The following CNDP1 variants were observed in gnomAD, a reference collection of about 807,000 sequenced individuals.
CNDP1 encodes the protein carnosine dipeptidase 1, also known as beta-Ala-His dipeptidase.
A neutral mutation model predicts 58.1 loss-of-function variants in CNDP1; 44 were observed. That is an observed-to-expected ratio of 0.76 (90% CI 0.60 to 0.97). The LOEUF (loss-of-function observed/expected upper bound fraction) is 0.97. Ranked by LOEUF, CNDP1 falls within the 50% of genes least tolerant of loss-of-function variation. CNDP1 has a pLI of 0.00. For missense variants in CNDP1, 616 were observed against 655.1 expected (o/e 0.94, Z 0.65); for synonymous variants, 254 against 252.6 (o/e 1.01, Z -0.05).
At chr18:74,565,419 T>C (rs1981302139) in intron 5 of CNDP1, among the ~76,000 whole-genome samples, 1 of 152,150 alleles carries the variant, frequency 6.6e-6, no homozygotes, top group Non-Finnish European at 1.5e-5. Context: ...ACAAGGCAAG[T>C]CCCTTCCACC....
chr18:74,543,950 G>A (rs1345245346), intron 1 of CNDP1, among the ~76,000 whole-genome samples: 1 of 151,976 alleles, frequency 6.6e-6, no homozygotes, highest in Non-Finnish European at 1.5e-5. Flanking sequence ...TCCACGTATG[G>A]TGGCTTGTAC....
intron 10 of CNDP1, among the ~76,000 whole-genome samples, chr18:74,582,182 C>G (rs1981806055): frequency 1.3e-5 from 2 of 152,190 alleles, no homozygotes; most frequent in Non-Finnish European, 2.9e-5. Flanking sequence ...TCTGAAATAG[C>G]CTTTCAGGAA....
chr18:74,547,425 G>T (rs1194646968), intron 1 of CNDP1, among the ~76,000 whole-genome samples: 1 of 152,226 alleles, frequency 6.6e-6, no homozygotes, highest in African/African-American at 2.4e-5. Context: ...GGAGGCAAGA[G>T]TGCTTTCTTT....
At chr18:74,544,318 C>T (rs1484242619) in intron 1 of CNDP1, among the ~76,000 whole-genome samples, 2 of 152,076 alleles carry the variant, frequency 1.3e-5, no homozygotes, top group Non-Finnish European at 2.9e-5. Context: ...TACATAGGCT[C>T]TTGGGGCTAT....
intron 1 of CNDP1, among the ~76,000 whole-genome samples, chr18:74,548,069 A>C (rs947230138): frequency 1.3e-5 from 2 of 152,096 alleles, no homozygotes; most frequent in Non-Finnish European, 2.9e-5. Flanking sequence ...GCGCATCCCT[A>C]ACCCCAGCCC....
intron 5 of CNDP1, among the ~76,000 whole-genome samples, chr18:74,563,719 A>G (rs1383803765): frequency 6.6e-6 from 1 of 152,062 alleles, no homozygotes; most frequent in East Asian, 1.9e-4. Flanking sequence ...CAGAGCTCTT[A>G]GGACACATTC....
chr18:74,551,875 A>G (rs1038205876), intron 1 of CNDP1, among the ~76,000 whole-genome samples: 13 of 151,548 alleles, frequency 8.6e-5, no homozygotes, highest in Non-Finnish European at 1.8e-4. Context: ...AAAAGCTCAA[A>G]TGTTAATGTA....
intron 2 of CNDP1, among the ~76,000 whole-genome samples, chr18:74,558,430 T>G (rs995293217): frequency 7.0e-6 from 1 of 143,508 alleles, no homozygotes; most frequent in African/African-American, 2.6e-5. Flanking sequence ...AGTCTTGCTC[T>G]GTCACCCAGA....
chr18:74,576,786 A>T, intron 7 of CNDP1, 83 bp from the exon 8 acceptor site: 1 of 1,312,498 alleles, frequency 7.6e-7, no homozygotes, highest in Non-Finnish European at 1.0e-6. Context: ...AACCCTGAAG[A>T]GTCCTCCCAC....
In CNDP1 at chr18:74,567,524, A is replaced by C. The variant is rs1981362455; in HGVS notation, c.756+91A>C. On this transcript the variant is annotated intron_variant, in intron 6 of 11. Transcript: ENST00000358821. Reference sequence around the variant, plus strand: ...TCTGGGATCTTGGAGAGGAAGAAAGAAAGCTTTCCTGAGGGCAGAGGCCTT... The same window carrying C: ...TCTGGGATCTTGGAGAGGAAGAAAGCAAGCTTTCCTGAGGGCAGAGGCCTT... The C allele has an allele frequency of 3.3e-6, 4 of 1,194,816 alleles. No individual in the cohort carries two copies. The African/African-American group carries it at 6.0e-5, about 18-fold the overall frequency. The allele number at this position is 1,194,816 out of a possible 1,614,324, so 74.0% of individuals were successfully genotyped here. A position where few individuals can be genotyped will look rare whatever the true frequency, so the allele number is the denominator to read the frequency against.
intron 1 of CNDP1, among the ~76,000 whole-genome samples, chr18:74,548,751 C>T (rs887085182): frequency 3.3e-5 from 5 of 152,188 alleles, no homozygotes; most frequent in African/African-American, 1.2e-4. Flanking sequence ...GACCAAACTG[C>T]TGATAGTGAT....
rs151073962 is a variant in CNDP1 at position 74,584,838 on chromosome 18, T to C, written c.*276T>C. On this transcript the variant is annotated 3_prime_UTR_variant, in exon 12 of 12. Coordinates refer to ENST00000358821, the MANE Select transcript of CNDP1 (RefSeq NM_032649.6). Reference sequence around the variant, plus strand: ...CAAGTCCTGTGCAATAGCCCCAGGATTGGATTCCTTCAAACCTTTTAGCAT... The same window carrying C: ...CAAGTCCTGTGCAATAGCCCCAGGACTGGATTCCTTCAAACCTTTTAGCAT... The C allele has an allele frequency of 9.8e-4, 388 of 396,158 alleles. 1 individual carries two copies. Among genetic ancestry groups the C allele is most frequent in the African/African-American group, 7.0e-3 (354 of 50,608 alleles). 24.5% of individuals were successfully genotyped at this position (396,158 alleles called of 1,614,324 possible).
rs771415155 is a variant in CNDP1, at chr18:74,556,462, T to C, written c.149T>C (p.Val50Ala). Residue 50 changes from valine (V) to alanine (A), a missense_variant, in exon 2 of 12, where the codon GTG becomes GCG. By Grantham distance (64) the Val-to-Ala change is moderately conservative. Coordinates refer to ENST00000358821, the MANE Select transcript of CNDP1 (RefSeq NM_032649.6). ...ATTGACCTCCATCAGGATGAATTTGTGCAGGTAGGAGAAAGAAACTACACA... is the reference window on the plus strand; with the variant it reads ...ATTGACCTCCATCAGGATGAATTTGCGCAGGTAGGAGAAAGAAACTACACA... ...QYIDLHQDEF[V>A]QTLKEWVAIE... is the part of the protein sequence containing the mutation. 3 of 1,614,116 alleles carry C rather than the reference T, an allele frequency of 1.9e-6. No homozygotes were observed. The highest frequency in any genetic ancestry group is 2.5e-6 in the Non-Finnish European group (3 of 1,180,040).
At chr18:74,537,316 A>G (rs1434047464) in intron 1 of CNDP1, among the ~76,000 whole-genome samples, 2 of 152,020 alleles carry the variant, frequency 1.3e-5, no homozygotes, top group East Asian at 3.9e-4. Flanking sequence ...TTTGTATATG[A>G]TGTAAGGAAG....
chr18:74,562,296 A>G (rs1241267006), intron 5 of CNDP1, among the ~76,000 whole-genome samples, 161 bp downstream of exon 5: 1 of 152,200 alleles, frequency 6.6e-6, no homozygotes, highest in African/African-American at 2.4e-5. Context: ...GCAGATAAGG[A>G]CAGTAAGTCT....
chr18:74,544,717 C>CA (rs10562152), intron 1 of CNDP1, among the ~76,000 whole-genome samples: 1,066 of 63,204 alleles, frequency 0.017, 18 homozygotes, highest in African/African-American at 0.031. Context: ...GGTTCTGTCT[C>CA]AAAAAAAAAA....
chr18:74,580,467 C>A (rs754953105), intron 10 of CNDP1, among the ~76,000 whole-genome samples, 196 bp downstream of exon 10: 7 of 152,214 alleles, frequency 4.6e-5, no homozygotes, highest in Non-Finnish European at 7.3e-5. Flanking sequence ...AATGGCCTTC[C>A]CCATCTAACA....
chr18:74,543,024 C>A (rs1322929618), intron 1 of CNDP1, among the ~76,000 whole-genome samples: 1 of 152,306 alleles, frequency 6.6e-6, no homozygotes, highest in East Asian at 1.9e-4. Context: ...AGAAAAATAG[C>A]TTTTGCAATG....
chr18:74,571,175 C>T lies in CNDP1; in HGVS notation c.757-11C>T, dbSNP rs1171499353. The T allele has an allele frequency of 6.3e-7, 1 of 1,584,658 alleles. No individual in the cohort carries two copies. Among genetic ancestry groups the T allele is most frequent in the South Asian group, 1.1e-5 (1 of 90,418 alleles). On this transcript the variant is annotated splice_polypyrimidine_tract_variant and intron_variant, in intron 6 of 11. Coordinates refer to ENST00000358821, the MANE Select transcript of CNDP1 (RefSeq NM_032649.6). ...AGGAAGTATATCTCTTACCTTTTAT[C>T]TACTCTGCAGGTGAAATGCAGAGAC...
Sources: gnomAD v4.1 joint callset for allele counts (sites outside exome capture counted in the v4.1 genomes callset) on GRCh38, gnomAD v4.1.1 for gene constraint, MANE v1.5 for transcripts, NCBI Gene and HGNC (gene_info 2026-07-23, HGNC 2026-07-21) for gene names.